NAALAD2: variants seen among roughly 807,000 people sequenced by gnomAD.
NAALAD2 encodes the protein N-acetylated alpha-linked acidic dipeptidase 2.
In NAALAD2, 89 loss-of-function variants were observed where a neutral mutation model predicts 95.6. That is an observed-to-expected ratio of 0.93 (90% CI 0.78 to 1.11). NAALAD2 has a LOEUF of 1.11. Among genes scored for constraint, NAALAD2 ranks in the 50% least tolerant of loss-of-function variants. NAALAD2 has a pLI of 0.00. For synonymous variants in NAALAD2, 264 were observed against 294.4 expected (o/e 0.90, Z 1.06); for missense variants, 894 against 872.4 (o/e 1.02, Z -0.31).
At chr11:90,147,256 C>T (rs1951768662) in intron 2 of NAALAD2, 74 bp from the exon 3 acceptor site, 1 of 1,142,580 alleles carries the variant, frequency 8.8e-7, no homozygotes. Flanking sequence ...ATAAGTAGTG[C>T]ATTTAGAATA....
At position 90,170,072 on chromosome 11, in the gene NAALAD2, A is replaced by G. The variant is rs1391066130; in HGVS notation, c.1346A>G (p.Asn449Ser). The G allele has an allele frequency of 1.3e-6, 2 of 1,566,660 alleles. No individual in the cohort carries two copies. Among genetic ancestry groups the G allele is most frequent in the African/African-American group, 1.4e-5 (1 of 74,052 alleles). The change falls in exon 13 of 19, where the codon AAT (asparagine) becomes AGT (serine). Residue 449 changes from asparagine to serine, a missense_variant. Transcript: ENST00000534061. ...CTGTGTCTTATTTATTTTTCAGGCA[A>G]TTATACTCTCAGAGTTGACTGTACT... is the stretch of plus-strand genomic sequence containing the variant. Reference protein sequence around the residue: ...YINSDSSIEGNYTLRVDCTPL... With the variant: ...YINSDSSIEGSYTLRVDCTPL...
intron 12 of NAALAD2, chr11:90,169,208 ATAACTAAGC>A (rs1341197581): frequency 4.8e-6 from 2 of 412,534 alleles, no homozygotes; most frequent in African/African-American, 4.2e-5. Context: ...GATATGATTC[ATAACTAAGC>A]TATTGCTTTT....
intron 18 of NAALAD2, among the ~76,000 whole-genome samples, chr11:90,188,508 C>T (rs905620468): frequency 1.3e-5 from 2 of 152,102 alleles, no homozygotes; most frequent in Non-Finnish European, 2.9e-5. Context: ...TCAGTGTCAA[C>T]CAATTCAATG....
At chr11:90,175,917 T>G in intron 14 of NAALAD2, 55 bp from the exon 15 acceptor site, 1 of 1,095,860 alleles carries the variant, frequency 9.1e-7, no homozygotes, top group Non-Finnish European at 1.4e-6. Flanking sequence ...CTTTGTATCA[T>G]TTACTTGTTT....
At position 90,182,249 on chromosome 11, in the gene NAALAD2, A is replaced by C. The variant is rs118091050; in HGVS notation, c.1940+548A>C. 4.6e-4 allele frequency among the ~76,000 whole-genome samples: 70 copies of C among 152,290 alleles called. 1 individual carries two copies. In the East Asian group the frequency reaches 0.013, roughly 27 times the overall value. ...GTTTCAAAGTACATTCAAAGTAAATACCATGTAACAAGCATAAATTTATCC... is the reference window on the plus strand; with the variant it reads ...GTTTCAAAGTACATTCAAAGTAAATCCCATGTAACAAGCATAAATTTATCC... On this transcript the variant is annotated intron_variant, in intron 17 of 18. Transcript: ENST00000534061.
In NAALAD2 at chr11:90,173,862, G is replaced by A. The variant is rs1952710437; in HGVS notation, c.1449G>A (p.Leu483=). The change falls in exon 14 of 19, where the codon CTG becomes CTA. Residue 483 remains leucine, a synonymous_variant. Transcript: ENST00000534061. ...SPDDGFESKS[L]YESWLEKDPS... ...ATGATGGGTTTGAGAGTAAATCACT[G>A]TATGAAAGCTGGTTGGAAAAAGACC... 2 of 1,612,942 alleles carry A rather than the reference G, an allele frequency of 1.2e-6. No homozygotes were observed. The highest frequency in any genetic ancestry group is 1.3e-5 in the African/African-American group (1 of 74,748).
chr11:90,182,502 C>T (rs1591026538), intron 17 of NAALAD2, among the ~76,000 whole-genome samples: 1 of 152,212 alleles, frequency 6.6e-6, no homozygotes, highest in African/African-American at 2.4e-5. Context: ...TTACAGGCTT[C>T]TGAAACCTTC....
chr11:90,152,814 A>AT (rs1307210005), intron 6 of NAALAD2, among the ~76,000 whole-genome samples: 1 of 152,134 alleles, frequency 6.6e-6, no homozygotes, highest in East Asian at 1.9e-4. Flanking sequence ...GATAGATTGT[A>AT]TTTTTAAAAA....
intron 2 of NAALAD2, among the ~76,000 whole-genome samples, chr11:90,144,385 A>G (rs1271422170): frequency 6.6e-6 from 1 of 152,112 alleles, no homozygotes; most frequent in African/African-American, 2.4e-5. Context: ...CATGAGCTAT[A>G]TGGGATCATG....
chr11:90,173,826 C>T lies in NAALAD2; in HGVS notation c.1413C>T (p.Ile471=), dbSNP rs1414672438. Residue 471 remains isoleucine, a splice_region_variant and synonymous_variant, in exon 14 of 19, where the codon ATC becomes ATT. Coordinates refer to ENST00000534061, the MANE Select transcript of NAALAD2 (RefSeq NM_005467.4). ...CAGTATTTGATTTCTCTTTCCAGAT[C>T]CCCAGCCCTGATGATGGGTTTGAGA... ...YQLVYKLTKE[I]PSPDDGFESK... 24 of 1,611,074 alleles carry T rather than the reference C, an allele frequency of 1.5e-5. No homozygotes were observed. The highest frequency in any genetic ancestry group is 2.2e-5 in the East Asian group (1 of 44,768).
chr11:90,144,545 A>G (rs956108932), intron 2 of NAALAD2, among the ~76,000 whole-genome samples: 3 of 152,016 alleles, frequency 2.0e-5, no homozygotes, highest in South Asian at 2.1e-4. Flanking sequence ...ATTCAAAACC[A>G]GCCTGTCCAA....
chr11:90,171,799 C>T (rs1407151250), intron 13 of NAALAD2, among the ~76,000 whole-genome samples: 3 of 152,058 alleles, frequency 2.0e-5, no homozygotes, highest in African/African-American at 7.2e-5. Flanking sequence ...GAGAGAAGGG[C>T]AGCTGCCAGA....
At chr11:90,177,434 C>T (rs1286952973) in intron 15 of NAALAD2, among the ~76,000 whole-genome samples, 1 of 151,060 alleles carries the variant, frequency 6.6e-6, no homozygotes, top group African/African-American at 2.4e-5. Context: ...CAAGGTGTAG[C>T]ATCTTGAATG....
chr11:90,175,928 A>ATG (rs140876943), intron 14 of NAALAD2, 44 bp from the exon 15 acceptor site: 94,397 of 967,830 alleles, frequency 0.098, 1,546 homozygotes, highest in Non-Finnish European at 0.11. Flanking sequence ...TTACTTGTTT[A>ATG]TGTGTGTGTG....
intron 8 of NAALAD2, chr11:90,162,385 TTC>T (rs1952321198): frequency 6.6e-6 from 1 of 152,134 alleles, no homozygotes; most frequent in Non-Finnish European, 1.5e-5. Context: ...GCTTCCCAAA[TTC>T]TCATTTAACA....
At chr11:90,174,520 G>C (rs1952731102) in intron 14 of NAALAD2, among the ~76,000 whole-genome samples, 1 of 151,870 alleles carries the variant, frequency 6.6e-6, no homozygotes, top group South Asian at 2.1e-4. Flanking sequence ...TATGTATTAG[G>C]TGTATTAATA....
chr11:90,153,708 A>G (rs898098871), intron 6 of NAALAD2, among the ~76,000 whole-genome samples: 6 of 152,072 alleles, frequency 3.9e-5, no homozygotes, highest in African/African-American at 9.7e-5. Flanking sequence ...ATAAAATACA[A>G]CTTTGCAGTC....
intron 14 of NAALAD2, among the ~76,000 whole-genome samples, 182 bp downstream of exon 14, chr11:90,174,097 C>T (rs538173775): frequency 5.3e-5 from 8 of 152,142 alleles, no homozygotes; most frequent in South Asian, 2.1e-4. Flanking sequence ...TTTGGGAGGC[C>T]GAGGCGGGTG....
chr11:90,153,213 A>T (rs1157594020), intron 6 of NAALAD2, among the ~76,000 whole-genome samples: 2 of 152,146 alleles, frequency 1.3e-5, no homozygotes, highest in Non-Finnish European at 2.9e-5. Context: ...GATTGCTTTC[A>T]GTGTGGGGGC....
Sources: gnomAD v4.1 joint callset for allele counts (sites outside exome capture counted in the v4.1 genomes callset) on GRCh38, gnomAD v4.1.1 for gene constraint, MANE v1.5 for transcripts, NCBI Gene and HGNC (gene_info 2026-07-23, HGNC 2026-07-21) for gene names.